Variants in SORCS3 observed in about 807,000 individuals in gnomAD.
SORCS3 encodes the protein sortilin related VPS10 domain containing receptor 3, also known as VPS10 domain-containing receptor SorCS3.
In SORCS3, 57 loss-of-function variants were observed where a neutral mutation model predicts 146.3. The observed-to-expected ratio is 0.39, with a 90% CI of 0.31 to 0.49. The LOEUF is 0.49. SORCS3 is among the 20% of genes least tolerant of loss of function. The probability of loss-of-function intolerance (pLI) is 0.92; values close to 1 mark genes in which losing one functional copy is unlikely to be tolerated. For missense variants in SORCS3, 1,341 were observed against 1,575.5 expected, an observed-to-expected ratio of 0.85 and a Z score of 2.52; for synonymous variants, 653 against 618.5, an observed-to-expected ratio of 1.06 and a Z score of -0.83.
At chr10:105,055,995 C>T (rs1564743881) in intron 5 of SORCS3, among the ~76,000 whole-genome samples, 3 of 152,038 alleles carry the variant, frequency 2.0e-5, no homozygotes, top group African/African-American at 4.8e-5. Context: ...TGGAAAGCAC[C>T]AAAAGAGTAT....
At chr10:104,705,764 A>G (rs886956105) in intron 1 of SORCS3, among the ~76,000 whole-genome samples, 1 of 152,166 alleles carries the variant, frequency 6.6e-6, no homozygotes, top group African/African-American at 2.4e-5. Context: ...AGTGGAGCAC[A>G]AGTTAAGGGA....
At chr10:105,062,540 G>A (rs1027430551) in intron 5 of SORCS3, among the ~76,000 whole-genome samples, 1 of 152,142 alleles carries the variant, frequency 6.6e-6, no homozygotes, top group Non-Finnish European at 1.5e-5. Flanking sequence ...CAGGTGCCAC[G>A]ATAGGGACCC....
chr10:105,004,498 G>A (rs1164096770), intron 4 of SORCS3, among the ~76,000 whole-genome samples: 1 of 152,116 alleles, frequency 6.6e-6, no homozygotes, highest in African/African-American at 2.4e-5. Context: ...AAGTCAAAGG[G>A]ATTGGAGCTT....
At chr10:104,831,904 C>T (rs2018004951) in intron 1 of SORCS3, among the ~76,000 whole-genome samples, 1 of 152,208 alleles carries the variant, frequency 6.6e-6, no homozygotes, top group Non-Finnish European at 1.5e-5. Context: ...TCTCTGTGCA[C>T]ACACATTCTG....
chr10:104,732,968 C>T (rs1196055987), intron 1 of SORCS3, among the ~76,000 whole-genome samples: 1 of 152,120 alleles, frequency 6.6e-6, no homozygotes, highest in Non-Finnish European at 1.5e-5. Context: ...AGGGGCTGAG[C>T]AAACAGTGGA....
intron 8 of SORCS3, among the ~76,000 whole-genome samples, chr10:105,142,810 G>C (rs1191563223): frequency 1.3e-5 from 2 of 151,960 alleles, no homozygotes; most frequent in African/African-American, 4.8e-5. Flanking sequence ...ACCTAAGTCT[G>C]GGTTCATTTT....
rs189916560 is a variant in SORCS3, at chr10:104,975,946, A to G, written c.796-1389A>G. Among the ~76,000 whole-genome samples the G allele has an allele frequency of 3.3e-3, 499 of 152,328 alleles. 5 individuals are homozygous for G. The highest frequency in any genetic ancestry group is 0.011 in the African/African-American group (448 of 41,572). On this transcript the variant is annotated intron_variant, in intron 3 of 26. Transcript: ENST00000369701. ...TAAAGACTTAAACATTAGACCTAAA[A>G]CCATAAAAACCCTAGAAGAAAACCT... is the stretch of plus-strand genomic sequence containing the variant.
At chr10:104,732,612 A>G (rs1433181254) in intron 1 of SORCS3, among the ~76,000 whole-genome samples, 2 of 152,150 alleles carry the variant, frequency 1.3e-5, no homozygotes, top group East Asian at 3.9e-4. Context: ...CTTAAATGGG[A>G]TGAGCCTCTG....
At chr10:104,788,474 G>A (rs1375443976) in intron 1 of SORCS3, among the ~76,000 whole-genome samples, 1 of 152,180 alleles carries the variant, frequency 6.6e-6, no homozygotes, top group Non-Finnish European at 1.5e-5. Flanking sequence ...AAAGTGATGT[G>A]TAAATACATA....
intron 6 of SORCS3, among the ~76,000 whole-genome samples, chr10:105,103,391 G>A (rs2055799802): frequency 6.6e-6 from 1 of 152,208 alleles, no homozygotes; most frequent in African/African-American, 2.4e-5. Flanking sequence ...AAGGCACTCA[G>A]CAATAGTGGT....
chr10:105,007,832 G>A (rs2133678436), intron 4 of SORCS3, among the ~76,000 whole-genome samples: 1 of 152,286 alleles, frequency 6.6e-6, no homozygotes, highest in Admixed American at 6.5e-5. Context: ...TGCCTTCAAA[G>A]AGCTCAGAAG....
chr10:105,171,498 G>C (rs192127120), intron 13 of SORCS3, among the ~76,000 whole-genome samples: 8 of 152,278 alleles, frequency 5.3e-5, no homozygotes, highest in African/African-American at 1.9e-4. Context: ...CTCTCAATGG[G>C]ATGTTCTTGG....
intron 1 of SORCS3, among the ~76,000 whole-genome samples, chr10:104,758,017 A>G (rs2017075889): frequency 6.6e-6 from 1 of 152,320 alleles, no homozygotes; most frequent in Non-Finnish European, 1.5e-5. Flanking sequence ...ACATAAAAAC[A>G]GGAGAATTTT....
chr10:104,743,769 C>G (rs1038974781), intron 1 of SORCS3, among the ~76,000 whole-genome samples: 1 of 152,112 alleles, frequency 6.6e-6, no homozygotes, highest in Non-Finnish European at 1.5e-5. Context: ...TAGGCTGGAG[C>G]TGGAAACACA....
chr10:104,852,636 C>T (rs899719701), intron 2 of SORCS3, among the ~76,000 whole-genome samples: 8 of 152,140 alleles, frequency 5.3e-5, no homozygotes, highest in African/African-American at 1.9e-4. Context: ...TCTAAAATGT[C>T]ATTTGCTTCT....
chr10:105,005,110 A>C (rs61867194), intron 4 of SORCS3, among the ~76,000 whole-genome samples: 35,960 of 152,106 alleles, frequency 0.24, 4,817 homozygotes, highest in African/African-American at 0.35. Context: ...GAATACCACA[A>C]GATTGCTAAT....
At chr10:104,857,111 A>G (rs1282608967) in intron 2 of SORCS3, among the ~76,000 whole-genome samples, 1 of 149,258 alleles carries the variant, frequency 6.7e-6, no homozygotes, top group Non-Finnish European at 1.5e-5. Flanking sequence ...GGCATGCTAG[A>G]TAAGGAGTAT....
chr10:104,858,413 A>C (rs2018358271), intron 2 of SORCS3, among the ~76,000 whole-genome samples: 1 of 152,178 alleles, frequency 6.6e-6, no homozygotes, highest in Non-Finnish European at 1.5e-5. Flanking sequence ...ATGATAGTGT[A>C]TTGTTCCATA....
intron 1 of SORCS3, among the ~76,000 whole-genome samples, chr10:104,720,725 A>G (rs944611034): frequency 3.3e-5 from 5 of 152,224 alleles, no homozygotes; most frequent in Non-Finnish European, 7.3e-5. Flanking sequence ...TCTGATGGCC[A>G]GTGATGATGA....
Sources: gnomAD v4.1 joint callset for allele counts (sites outside exome capture counted in the v4.1 genomes callset) on GRCh38, gnomAD v4.1.1 for gene constraint, MANE v1.5 for transcripts, NCBI Gene and HGNC (gene_info 2026-07-23, HGNC 2026-07-21) for gene names.